PKHD1: variants seen among roughly 807,000 people sequenced by gnomAD.
The protein encoded by PKHD1 is PKHD1 ciliary IPT domain containing fibrocystin/polyductin, also known as fibrocystin.
Under a neutral mutation model 412.0 loss-of-function variants are expected in PKHD1, and 291 were observed. The observed-to-expected ratio is 0.71, with a 90% CI of 0.64 to 0.78. The LOEUF is 0.78. Ranked by LOEUF, PKHD1 falls within the 30% of genes least tolerant of loss-of-function variation. The pLI, the probability that PKHD1 is intolerant of heterozygous loss-of-function variation, is 0.00. For synonymous variants in PKHD1, 1,777 were observed against 1,821.5 expected (o/e 0.98, Z 0.62); for missense variants, 4,825 against 4,950.7 (o/e 0.97, Z 0.76).
intron 64 of PKHD1, among the ~76,000 whole-genome samples, chr6:51,637,633 T>A (rs1391206178): frequency 6.7e-6 from 1 of 150,146 alleles, no homozygotes; most frequent in Non-Finnish European, 1.5e-5. Flanking sequence ...AGGCTGGGCG[T>A]GGTGACTGAT....
At chr6:51,742,990 A>T (rs186376112) in intron 60 of PKHD1, among the ~76,000 whole-genome samples, 202 of 152,274 alleles carry the variant, frequency 1.3e-3, no homozygotes, top group African/African-American at 4.6e-3. Context: ...ATGTAGTGAT[A>T]CACATACCAT....
In PKHD1 at chr6:52,058,581, G is replaced by A. The variant is rs1252381398; in HGVS notation, c.1254C>T (p.Ser418=). The change falls in exon 16 of 67, where the codon AGC becomes AGT. Residue 418 remains serine, a synonymous_variant. Coordinates refer to ENST00000371117, the MANE Select transcript of PKHD1 (RefSeq NM_138694.4). ...AGTCAAACCAGTCAGCAGTGCCGACGCTGATGGAGGCCACTTTCACCTATG... is the reference window on the plus strand; with the variant it reads ...AGTCAAACCAGTCAGCAGTGCCGACACTGATGGAGGCCACTTTCACCTATG... ...PRTKVKVASI[S]VGTADWFDSW... is the part of the protein sequence containing the mutation. The A allele has an allele frequency of 1.5e-5, 25 of 1,613,930 alleles. No homozygotes were observed. The highest frequency in any genetic ancestry group is 4.0e-5 in the African/African-American group (3 of 74,920).
intron 52 of PKHD1, among the ~76,000 whole-genome samples, chr6:51,792,185 T>C (rs1037712695): frequency 6.6e-6 from 1 of 152,214 alleles, no homozygotes; most frequent in Non-Finnish European, 1.5e-5. Flanking sequence ...TAGAGTAATA[T>C]ATAAACACAA....
intron 52 of PKHD1, among the ~76,000 whole-genome samples, chr6:51,807,617 G>C (rs9474079): frequency 0.6 from 90,083 of 150,568 alleles, 27,326 homozygotes; most frequent in East Asian, 0.78. Context: ...TAACTAATGA[G>C]AATTAATACG....
chr6:51,740,025 T>G (rs750472768), intron 60 of PKHD1: 1 of 518,932 alleles, frequency 1.9e-6, no homozygotes, highest in Non-Finnish European at 3.8e-6. Context: ...TTCTTCTAAA[T>G]GATTTTGAAT....
intron 43 of PKHD1, among the ~76,000 whole-genome samples, chr6:51,897,211 T>C (rs1780230442): frequency 6.6e-6 from 1 of 152,086 alleles, no homozygotes; most frequent in Middle Eastern, 3.4e-3. Flanking sequence ...CACATAATTG[T>C]CAGATTCACC....
intron 54 of PKHD1, among the ~76,000 whole-genome samples, chr6:51,774,477 G>C (rs569194350): frequency 5.9e-5 from 9 of 151,926 alleles, no homozygotes; most frequent in African/African-American, 2.2e-4. Context: ...GGCAAAAGAA[G>C]ATCAAATATT....
intron 61 of PKHD1, among the ~76,000 whole-genome samples, chr6:51,657,006 C>T (rs915447102): frequency 6.6e-6 from 1 of 151,730 alleles, no homozygotes; most frequent in Non-Finnish European, 1.5e-5. Flanking sequence ...AAAAATGTGT[C>T]CAGTATGGCC....
chr6:51,708,538 T>G (rs537601569), intron 60 of PKHD1, among the ~76,000 whole-genome samples: 1 of 152,320 alleles, frequency 6.6e-6, no homozygotes, highest in Non-Finnish European at 1.5e-5. Flanking sequence ...ACATGGGTTA[T>G]TATATATTCT....
intron 60 of PKHD1, among the ~76,000 whole-genome samples, chr6:51,736,941 T>TA (rs1213405794): frequency 6.6e-6 from 1 of 152,198 alleles, no homozygotes; most frequent in Non-Finnish European, 1.5e-5. Flanking sequence ...GTCACCACAA[T>TA]ACCTGAGCTT....
chr6:51,919,017 T>A (rs1032036959), intron 37 of PKHD1, among the ~76,000 whole-genome samples: 2 of 152,250 alleles, frequency 1.3e-5, no homozygotes, highest in African/African-American at 4.8e-5. Context: ...CCTTGTAGAC[T>A]CTGGAAATTA....
At chr6:52,034,966 C>A (rs925501514) in intron 28 of PKHD1, among the ~76,000 whole-genome samples, 1 of 152,126 alleles carries the variant, frequency 6.6e-6, no homozygotes. Flanking sequence ...TAAGTCAACT[C>A]TAAATAGAAA....
At chr6:52,003,973 G>A (rs1397188617) in intron 35 of PKHD1, among the ~76,000 whole-genome samples, 1 of 152,070 alleles carries the variant, frequency 6.6e-6, no homozygotes, top group African/African-American at 2.4e-5. Flanking sequence ...TCCAATAATG[G>A]TTCTCTTTAT....
At chr6:52,083,078 T>G in intron 3 of PKHD1, 100 bp downstream of exon 3, 1 of 858,656 alleles carries the variant, frequency 1.2e-6, no homozygotes, top group African/African-American at 1.7e-5. Flanking sequence ...GGCCCACTTT[T>G]ACACCTGTCC....
chr6:51,773,676 T>C (rs537520520), intron 54 of PKHD1, among the ~76,000 whole-genome samples: 1 of 151,700 alleles, frequency 6.6e-6, no homozygotes, highest in East Asian at 1.9e-4. Flanking sequence ...TTATTGCAAG[T>C]CATTAATCTA....
chr6:51,671,672 G>T (rs375332280), intron 60 of PKHD1, among the ~76,000 whole-genome samples: 22 of 152,194 alleles, frequency 1.4e-4, no homozygotes, highest in African/African-American at 5.3e-4. Flanking sequence ...TCCCCATCTT[G>T]GTGGTTTTAT....
intron 37 of PKHD1, among the ~76,000 whole-genome samples, chr6:51,921,622 ATTTCT>A (rs1467111140): frequency 1.2e-4 from 18 of 152,166 alleles, no homozygotes; most frequent in African/African-American, 4.3e-4. Context: ...GGCTTTGTTC[ATTTCT>A]TTTAACTCTT....
rs1449628064 is a variant in PKHD1, at chr6:52,045,102, A to C, written c.2593-14T>G. 1.2e-6 allele frequency: 2 copies of C among 1,612,966 alleles called. No homozygotes were observed. Among genetic ancestry groups the C allele is most frequent in the Non-Finnish European group, 1.7e-6 (2 of 1,179,056 alleles). On this transcript the variant is annotated splice_polypyrimidine_tract_variant and intron_variant, in intron 24 of 66. Transcript: ENST00000371117. ...TTCATCAGAGACCTGAGATGGTTAC[A>C]TTTCTGGTAAATTCTGTCATGGAAC...
intron 4 of PKHD1, 27 bp from the exon 5 acceptor site, chr6:52,080,035 T>A (rs1045057345): frequency 1.4e-6 from 2 of 1,391,892 alleles, no homozygotes. Flanking sequence ...GAAATCCTTA[T>A]GAATCAAAAA....
Sources: allele counts gnomAD v4.1 joint callset (sites outside exome capture counted in the v4.1 genomes callset), GRCh38; gene constraint gnomAD v4.1.1; transcripts MANE v1.5; gene names NCBI Gene and HGNC (gene_info 2026-07-23, HGNC 2026-07-21).